The following OXR1 variants were observed in gnomAD, a reference collection of about 807,000 sequenced individuals.
The protein encoded by OXR1 is oxidation resistance 1, also known as oxidation resistance protein 1.
A neutral mutation model predicts 104.6 loss-of-function variants in OXR1; 41 were observed. The observed-to-expected ratio is 0.39, with a 90% CI of 0.31 to 0.51. The LOEUF (loss-of-function observed/expected upper bound fraction) is 0.51. OXR1 is among the 20% of genes least tolerant of loss of function. The pLI is 0.77. For missense variants in OXR1, 955 were observed against 1,031.9 expected, an observed-to-expected ratio of 0.93 and a Z score of 1.02; for synonymous variants, 348 against 348.4, an observed-to-expected ratio of 1.00 and a Z score of 0.01.
chr8:106,564,425 C>G (rs1816923801), intron 3 of OXR1, among the ~76,000 whole-genome samples: 1 of 151,834 alleles, frequency 6.6e-6, no homozygotes, highest in African/African-American at 2.4e-5. Context: ...ACACACACCC[C>G]CGCCCCACCA....
At chr8:106,566,337 A>T (rs1457347946) in intron 3 of OXR1, among the ~76,000 whole-genome samples, 2 of 152,204 alleles carry the variant, frequency 1.3e-5, no homozygotes, top group Non-Finnish European at 2.9e-5. Context: ...TTTCAAAAGA[A>T]AACATTTATG....
intron 2 of OXR1, among the ~76,000 whole-genome samples, chr8:106,432,734 C>T (rs1184851539): frequency 6.6e-6 from 1 of 152,002 alleles, no homozygotes; most frequent in Non-Finnish European, 1.5e-5. Flanking sequence ...TATCTGTTTT[C>T]TGTCTATTCC....
At chr8:106,706,336 C>A in intron 8 of OXR1, 46 bp from the exon 9 acceptor site, 1 of 1,395,218 alleles carries the variant, frequency 7.2e-7, no homozygotes, top group African/African-American at 1.5e-5. Flanking sequence ...AAGTAAAATA[C>A]CACAATTTTA....
intron 14 of OXR1, 122 bp downstream of exon 14, chr8:106,740,617 G>A (rs191534502): frequency 6.6e-4 from 526 of 795,260 alleles, no homozygotes; most frequent in Non-Finnish European, 8.8e-4. Context: ...ATAATTACTG[G>A]GTACTTTTAA....
intron 2 of OXR1, among the ~76,000 whole-genome samples, chr8:106,380,807 G>A (rs1817115110): frequency 6.6e-6 from 1 of 152,074 alleles, no homozygotes; most frequent in Non-Finnish European, 1.5e-5. Flanking sequence ...TTGGGTTATT[G>A]TATTTCATTA....
chr8:106,293,700 C>T (rs1443854522), intron 1 of OXR1, among the ~76,000 whole-genome samples: 1 of 152,118 alleles, frequency 6.6e-6, no homozygotes, highest in Non-Finnish European at 1.5e-5. Flanking sequence ...TGTATCCTCA[C>T]GTGGCAGAAG....
At chr8:106,367,235 T>G (rs1050376819) in intron 2 of OXR1, among the ~76,000 whole-genome samples, 2 of 151,870 alleles carry the variant, frequency 1.3e-5, no homozygotes, top group Non-Finnish European at 2.9e-5. Flanking sequence ...CTAATTTTTT[T>G]GTATTTTTTA....
chr8:106,556,034 G>A (rs1390817075), intron 3 of OXR1, among the ~76,000 whole-genome samples: 1 of 151,268 alleles, frequency 6.6e-6, no homozygotes, highest in African/African-American at 2.4e-5. Flanking sequence ...TTAGTTAAAT[G>A]AAGTAAGACA....
intron 1 of OXR1, among the ~76,000 whole-genome samples, chr8:106,318,541 T>C (rs941655733): frequency 6.6e-6 from 1 of 152,224 alleles, no homozygotes; most frequent in Non-Finnish European, 1.5e-5. Context: ...TCAAATGTTA[T>C]AGATTTCAGT....
At chr8:106,631,217 T>G (rs1338831251) in intron 3 of OXR1, among the ~76,000 whole-genome samples, 4 of 152,188 alleles carry the variant, frequency 2.6e-5, no homozygotes, top group African/African-American at 9.7e-5. Flanking sequence ...CCTAGTTCCT[T>G]CCTTTATTTC....
chr8:106,481,181 A>G (rs188882461), intron 2 of OXR1, among the ~76,000 whole-genome samples: 1 of 152,004 alleles, frequency 6.6e-6, no homozygotes, highest in Non-Finnish European at 1.5e-5. Context: ...AGATCTTAGA[A>G]TCTTAAATAG....
intron 7 of OXR1, among the ~76,000 whole-genome samples, chr8:106,699,344 C>T (rs1467213442): frequency 6.6e-6 from 1 of 152,164 alleles, no homozygotes; most frequent in African/African-American, 2.4e-5. Context: ...TTGTAGACCT[C>T]TAAAGCTTTC....
At chr8:106,508,407 A>G (rs75698203) in intron 2 of OXR1, among the ~76,000 whole-genome samples, 1,897 of 152,306 alleles carry the variant, frequency 0.012, 30 homozygotes, top group East Asian at 0.08. Context: ...GGAGCACTAC[A>G]TAGCTTTCAT....
chr8:106,727,010 C>T (rs1833409690), intron 11 of OXR1, among the ~76,000 whole-genome samples: 1 of 152,244 alleles, frequency 6.6e-6, no homozygotes, highest in East Asian at 1.9e-4. Context: ...AAGATGCCCC[C>T]AAAGCAGCTT....
At chr8:106,628,624 T>C (rs1437210593) in intron 3 of OXR1, among the ~76,000 whole-genome samples, 2 of 152,194 alleles carry the variant, frequency 1.3e-5, no homozygotes, top group Non-Finnish European at 2.9e-5. Flanking sequence ...AAAAATATTT[T>C]GGTTTGCTTT....
intron 2 of OXR1, among the ~76,000 whole-genome samples, chr8:106,371,687 C>T (rs1816714249): frequency 6.6e-6 from 1 of 152,170 alleles, no homozygotes; most frequent in South Asian, 2.1e-4. Flanking sequence ...TTCCAGTTTC[C>T]ATGAAATCGT....
intron 2 of OXR1, among the ~76,000 whole-genome samples, chr8:106,504,442 G>A (rs1259373536): frequency 6.6e-6 from 1 of 152,164 alleles, no homozygotes; most frequent in Non-Finnish European, 1.5e-5. Context: ...TTAAGTGGTA[G>A]TTACTATGTG....
At chr8:106,632,618 T>A (rs1459474126) in intron 3 of OXR1, among the ~76,000 whole-genome samples, 1 of 152,218 alleles carries the variant, frequency 6.6e-6, no homozygotes, top group Non-Finnish European at 1.5e-5. Flanking sequence ...TCTTTTTTTT[T>A]ATTTCAATTG....
chr8:106,416,239 G>A (rs1411306459), intron 2 of OXR1, among the ~76,000 whole-genome samples: 1 of 152,038 alleles, frequency 6.6e-6, no homozygotes, highest in African/African-American at 2.4e-5. Flanking sequence ...GAGAATCATG[G>A]GATCAGATCA....
Sources: allele counts gnomAD v4.1 joint callset (sites outside exome capture counted in the v4.1 genomes callset), GRCh38; gene constraint gnomAD v4.1.1; transcripts MANE v1.5; gene names NCBI Gene and HGNC (gene_info 2026-07-23, HGNC 2026-07-21).